The following FBXO11 variants were observed in gnomAD, a reference collection of about 807,000 sequenced individuals.
FBXO11 encodes F-box protein 11.
A neutral mutation model predicts 117.0 loss-of-function variants in FBXO11; 13 were observed. The ratio of observed to expected loss-of-function variants is 0.11; its 90% CI spans 0.07 to 0.18. FBXO11 has a LOEUF of 0.18. FBXO11 is among the 10% of genes least tolerant of loss of function. The pLI is 1.00. For missense variants in FBXO11, 767 were observed against 1,164.4 expected, an observed-to-expected ratio of 0.66 and a Z score of 4.97; for synonymous variants, 490 against 380.5, an observed-to-expected ratio of 1.29 and a Z score of -3.35.
chr2:47,889,492 A>C (rs963360320), intron 1 of FBXO11, among the ~76,000 whole-genome samples: 4 of 152,232 alleles, frequency 2.6e-5, no homozygotes, highest in African/African-American at 9.6e-5. Context: ...ATGGTCCGAC[A>C]ACTTATCAAG....
chr2:47,815,739 G>T (rs575339215), intron 16 of FBXO11, among the ~76,000 whole-genome samples: 1 of 152,302 alleles, frequency 6.6e-6, no homozygotes, highest in East Asian at 1.9e-4. Flanking sequence ...AGCTGAGGGC[G>T]TAAGAATCCC....
Position 47,832,550 on chromosome 2 carries a change from A to C in FBXO11, c.1260+22T>G, listed in dbSNP as rs181965356. The C allele has an allele frequency of 4.5e-5, 73 of 1,607,364 alleles. No individual in the cohort carries two copies. In the East Asian group the frequency reaches 1.6e-3, roughly 35 times the overall value. On this transcript the variant is annotated intron_variant, in intron 10 of 22. Transcript: ENST00000403359. ...TTAAACATTTTCTAAAAAGAAAAAA[A>C]CCACACAAAATTAAAAAATACCTGT...
intron 1 of FBXO11, among the ~76,000 whole-genome samples, chr2:47,863,479 T>C (rs1168747731): frequency 6.6e-6 from 1 of 152,218 alleles, no homozygotes; most frequent in Non-Finnish European, 1.5e-5. Flanking sequence ...ATTAGTTTAA[T>C]AAACTCTTCT....
chr2:47,902,519 C>T (rs531209813), intron 1 of FBXO11, among the ~76,000 whole-genome samples: 1 of 152,100 alleles, frequency 6.6e-6, no homozygotes. Context: ...AGCGTATATA[C>T]ACACACACAT....
chr2:47,846,465 C>G (rs532722207), intron 1 of FBXO11, among the ~76,000 whole-genome samples: 2 of 151,228 alleles, frequency 1.3e-5, no homozygotes, highest in African/African-American at 4.9e-5. Context: ...GAAACTGTTT[C>G]AAAAAAAAAT....
intron 1 of FBXO11, among the ~76,000 whole-genome samples, chr2:47,855,443 A>G (rs1411692546): frequency 6.6e-6 from 1 of 152,184 alleles, no homozygotes; most frequent in East Asian, 1.9e-4. Context: ...GTAATTAGTA[A>G]GAAAATAAAA....
intron 1 of FBXO11, among the ~76,000 whole-genome samples, chr2:47,887,815 T>C (rs1676976244): frequency 6.6e-6 from 1 of 152,110 alleles, no homozygotes; most frequent in Admixed American, 6.5e-5. Flanking sequence ...GAGCCGAGAT[T>C]GTGCTATTGC....
At chr2:47,840,674 A>T (rs775624032) in intron 1 of FBXO11, among the ~76,000 whole-genome samples, 1 of 151,514 alleles carries the variant, frequency 6.6e-6, no homozygotes, top group Non-Finnish European at 1.5e-5. Context: ...GGCTGGTCTC[A>T]GACTCCTGGG....
At chr2:47,879,250 C>T (rs986689084) in intron 1 of FBXO11, among the ~76,000 whole-genome samples, 1 of 152,160 alleles carries the variant, frequency 6.6e-6, no homozygotes, top group Non-Finnish European at 1.5e-5. Context: ...TAATCTGATA[C>T]ATGTATCATG....
chr2:47,823,382 T>C, intron 11 of FBXO11, 22 bp from the exon 12 acceptor site: 1 of 1,538,292 alleles, frequency 6.5e-7, no homozygotes, highest in Non-Finnish European at 8.9e-7. Flanking sequence ...AGAAATTAAA[T>C]CTGTAGGTAA....
At chr2:47,864,267 A>G (rs778133299) in intron 1 of FBXO11, among the ~76,000 whole-genome samples, 3 of 152,170 alleles carry the variant, frequency 2.0e-5, no homozygotes, top group Non-Finnish European at 4.4e-5. Context: ...AAAGAGACAG[A>G]AACTACCTTT....
Position 47,905,909 on chromosome 2 carries a change from A to G in FBXO11, c.-189T>C. 2 of 590,596 alleles carry G rather than the reference A, an allele frequency of 3.4e-6. No individual in the cohort carries two copies. Among genetic ancestry groups the G allele is most frequent in the Non-Finnish European group, 5.3e-6 (2 of 374,124 alleles). 36.6% of individuals were successfully genotyped at this position (590,596 alleles called of 1,614,324 possible). A position where few individuals can be genotyped will look rare whatever the true frequency, so the allele number is the denominator to read the frequency against. ...CGAGTCCGGAGAAAGGCCCGGGTAG[A>G]CAGACGGAGACCGAGCGAGGCCGGC... On this transcript the variant is annotated 5_prime_UTR_variant, in exon 1 of 23. Coordinates refer to ENST00000403359, the MANE Select transcript of FBXO11 (RefSeq NM_001190274.2).
rs370801621 is a variant in FBXO11 at position 47,863,364 on chromosome 2, T to C, written c.233-23595A>G. 6.6e-5 allele frequency among the ~76,000 whole-genome samples: 10 copies of C among 152,276 alleles called. No homozygotes were observed. In the East Asian group the frequency reaches 1.4e-3, roughly 21 times the overall value. On this transcript the variant is annotated intron_variant, in intron 1 of 22. Coordinates refer to ENST00000403359, the MANE Select transcript of FBXO11 (RefSeq NM_001190274.2). ...ACAGAGAAACAGAATTAAATAAAAA[T>C]ATACTTTAATGTCTACAAGTGCTCT...
chr2:47,874,019 C>A (rs1675814230), intron 1 of FBXO11, among the ~76,000 whole-genome samples: 1 of 151,866 alleles, frequency 6.6e-6, no homozygotes, highest in African/African-American at 2.4e-5. Flanking sequence ...TTGAGACCAG[C>A]CTGGCCAACA....
chr2:47,859,513 T>C (rs1431769257), intron 1 of FBXO11, among the ~76,000 whole-genome samples: 1 of 152,206 alleles, frequency 6.6e-6, no homozygotes, highest in Non-Finnish European at 1.5e-5. Context: ...CTCTAGATGA[T>C]TTACATACAT....
At position 47,806,922 on chromosome 2, in the gene FBXO11, A is replaced by ATGATCTAATAAACTTTATTTTT; in HGVS notation, c.*1174_*1195dup. 1 of 1,204,932 alleles carries ATGATCTAATAAACTTTATTTTT rather than the reference A, an allele frequency of 8.3e-7. No individual in the cohort carries two copies. The highest frequency in any genetic ancestry group is 2.3e-5 in the East Asian group (1 of 42,854). The allele number at this position is 1,204,932 out of a possible 1,614,324, so 74.6% of individuals were successfully genotyped here. A position where few individuals can be genotyped will look rare whatever the true frequency, so the allele number is the denominator to read the frequency against. ...AAAGGTGGTAAATTCAGACAACATTATGATCTAATAAACTTTATTTTTTAA... is the reference window on the plus strand; with the variant it reads ...AAAGGTGGTAAATTCAGACAACATTATGATCTAATAAACTTTATTTTTTGATCTAATAAACTTTATTTTTTAA... On this transcript the variant is annotated 3_prime_UTR_variant, in exon 23 of 23. Transcript: ENST00000403359.
chr2:47,852,168 TTAG>T (rs2103658432), intron 1 of FBXO11, among the ~76,000 whole-genome samples: 1 of 152,232 alleles, frequency 6.6e-6, no homozygotes, highest in South Asian at 2.1e-4. Context: ...TTTTGTATTT[TTAG>T]TAGAGACGGG....
chr2:47,864,862 T>C (rs1675074325), intron 1 of FBXO11, among the ~76,000 whole-genome samples: 1 of 152,062 alleles, frequency 6.6e-6, no homozygotes, highest in African/African-American at 2.4e-5. Flanking sequence ...TAATAGTCTA[T>C]TTGTTATGTG....
chr2:47,833,121 T>C (rs1672307667), intron 7 of FBXO11, 51 bp from the exon 8 acceptor site: 1 of 1,245,026 alleles, frequency 8.0e-7, no homozygotes, highest in African/African-American at 1.5e-5. Context: ...TTTCAACAGA[T>C]GGGTATCTTT....
Sources: gnomAD v4.1 joint callset for allele counts (sites outside exome capture counted in the v4.1 genomes callset) on GRCh38, gnomAD v4.1.1 for gene constraint, MANE v1.5 for transcripts, NCBI Gene and HGNC (gene_info 2026-07-23, HGNC 2026-07-21) for gene names.